ABCC1: variants seen among roughly 807,000 people sequenced by gnomAD.
ABCC1 encodes multidrug resistance-associated protein 1.
A neutral mutation model predicts 172.9 loss-of-function variants in ABCC1; 83 were observed. The observed-to-expected ratio is 0.48, with a 90% CI of 0.40 to 0.58. The LOEUF is 0.58. Among genes scored for constraint, ABCC1 ranks in the 20% least tolerant of loss-of-function variants. ABCC1 has a pLI of 0.00. For missense variants in ABCC1, 1,817 were observed against 2,002.7 expected (o/e 0.91, Z 1.77); for synonymous variants, 937 against 825.2 (o/e 1.14, Z -2.32).
chr16:15,999,769 T>TTCTCTTTCTCTCTCTCTCTC (rs2047186647), intron 1 of ABCC1, among the ~76,000 whole-genome samples: 1 of 25,360 alleles, frequency 3.9e-5, no homozygotes, highest in African/African-American at 1.1e-4. Flanking sequence ...CCCGGCCTCT[T>TTCTCTTTCTCTCTCTCTCTC]TCTCTCTCTC....
At chr16:16,025,500 G>C in intron 5 of ABCC1, among the ~76,000 whole-genome samples, 1 of 152,226 alleles carries the variant, frequency 6.6e-6, no homozygotes, top group East Asian at 1.9e-4. Context: ...CATTATTGCT[G>C]CTGCACGCAT....
At chr16:15,955,069 C>T (rs34788606) in intron 1 of ABCC1, among the ~76,000 whole-genome samples, 9,322 of 152,238 alleles carry the variant, frequency 0.061, 424 homozygotes, top group Non-Finnish European at 0.091. Flanking sequence ...TGAACAGTCA[C>T]CTCAGTCCAG....
intron 6 of ABCC1, among the ~76,000 whole-genome samples, chr16:16,034,021 A>ATATTTTT (rs1567332583): frequency 4.1e-5 from 2 of 49,010 alleles, no homozygotes; most frequent in African/African-American, 6.0e-5. Flanking sequence ...AATAAGCATC[A>ATATTTTT]TCTTTTTTTT....
At chr16:15,970,385 C>T (rs954265491) in intron 1 of ABCC1, among the ~76,000 whole-genome samples, 2 of 152,228 alleles carry the variant, frequency 1.3e-5, no homozygotes, top group Non-Finnish European at 2.9e-5. Context: ...TGTGGTGCCT[C>T]TAGCTGCAAA....
At chr16:16,097,446 C>T (rs998754335) in intron 19 of ABCC1, among the ~76,000 whole-genome samples, 1 of 152,154 alleles carries the variant, frequency 6.6e-6, no homozygotes, top group African/African-American at 2.4e-5. Flanking sequence ...TCTCCATCCC[C>T]AGGACTAAGA....
chr16:16,030,937 G>A (rs1389561722), intron 5 of ABCC1, among the ~76,000 whole-genome samples: 1 of 151,938 alleles, frequency 6.6e-6, no homozygotes, highest in African/African-American at 2.4e-5. Flanking sequence ...TGCAACCTCC[G>A]CCTCATGGAT....
chr16:15,997,842 CT>C (rs1280272242), intron 1 of ABCC1, among the ~76,000 whole-genome samples: 2 of 126,304 alleles, frequency 1.6e-5, no homozygotes, highest in Non-Finnish European at 3.2e-5. Context: ...GAGACAGAGT[CT>C]CGCTCTGTCA....
At chr16:15,999,817 T>TCTC (rs1567298911) in intron 1 of ABCC1, among the ~76,000 whole-genome samples, 25 of 66,272 alleles carry the variant, frequency 3.8e-4, no homozygotes, top group African/African-American at 1.0e-3. Flanking sequence ...CTCCTCTCTC[T>TCTC]CTCTCTCTCT....
chr16:16,005,822 G>C (rs1175617038), intron 1 of ABCC1, among the ~76,000 whole-genome samples: 1 of 151,992 alleles, frequency 6.6e-6, no homozygotes, highest in African/African-American at 2.4e-5. Flanking sequence ...TTAGCCAAGC[G>C]GGGTGACCGC....
chr16:15,998,019 A>G (rs2047118698), intron 1 of ABCC1, among the ~76,000 whole-genome samples: 1 of 150,652 alleles, frequency 6.6e-6, no homozygotes, highest in East Asian at 1.9e-4. Flanking sequence ...ATGGGGTTTC[A>G]CTATGTTGGC....
At chr16:16,121,604 T>C (rs1175122881) in intron 23 of ABCC1, among the ~76,000 whole-genome samples, 1 of 152,208 alleles carries the variant, frequency 6.6e-6, no homozygotes, top group Non-Finnish European at 1.5e-5. Context: ...TGCCCCTTGC[T>C]AGCCATGTGA....
intron 1 of ABCC1, among the ~76,000 whole-genome samples, chr16:15,952,555 G>A (rs879078002): frequency 6.6e-6 from 1 of 151,934 alleles, no homozygotes; most frequent in South Asian, 2.1e-4. Context: ...AAGAGAAAAG[G>A]AGAACTTTGC....
chr16:16,106,947 A>C, intron 21 of ABCC1, 74 bp downstream of exon 21: 2 of 1,581,592 alleles, frequency 1.3e-6, no homozygotes, highest in Non-Finnish European at 1.7e-6. Flanking sequence ...GCACTGTGCA[A>C]AGTGCCTTGT....
intron 30 of ABCC1, among the ~76,000 whole-genome samples, chr16:16,140,879 T>C (rs1315452927): frequency 6.6e-6 from 1 of 152,206 alleles, no homozygotes; most frequent in Non-Finnish European, 1.5e-5. Flanking sequence ...GGTAAGATCT[T>C]TTTATTTTAC....
At chr16:16,136,697 C>A (rs928659696) in intron 29 of ABCC1, 53 bp downstream of exon 29, 2 of 1,578,500 alleles carry the variant, frequency 1.3e-6, no homozygotes, top group Non-Finnish European at 8.6e-7. Flanking sequence ...GGCGCCATCT[C>A]GGTAGGGGTG....
chr16:16,013,954 G>T (rs1400057093), intron 3 of ABCC1, among the ~76,000 whole-genome samples: 1 of 152,176 alleles, frequency 6.6e-6, no homozygotes, highest in Non-Finnish European at 1.5e-5. Flanking sequence ...CGGGAACGTT[G>T]AGCATCAGGG....
rs189678491 is a variant in ABCC1, at chr16:15,978,334, T to C, written c.48+28535T>C. ...TGAGCTGTGATTGCACACGACTGCTTTCCAGCCTGGGCAACAGAGTGAAAC... is the reference window on the plus strand; with the variant it reads ...TGAGCTGTGATTGCACACGACTGCTCTCCAGCCTGGGCAACAGAGTGAAAC... On this transcript the variant is annotated intron_variant, in intron 1 of 30. Coordinates refer to ENST00000399410, the MANE Select transcript of ABCC1 (RefSeq NM_004996.4). 9.2e-5 allele frequency among the ~76,000 whole-genome samples: 14 copies of C among 152,202 alleles called. No homozygotes were observed. In the East Asian group the frequency reaches 2.5e-3, roughly 27 times the overall value.
chr16:16,018,391 A>G (rs1260184535), intron 5 of ABCC1, among the ~76,000 whole-genome samples: 1 of 152,104 alleles, frequency 6.6e-6, no homozygotes, highest in Admixed American at 6.5e-5. Context: ...TCTGCTAAAA[A>G]TACAAAAATT....
At chr16:15,979,563 TA>T (rs1239464411) in intron 1 of ABCC1, among the ~76,000 whole-genome samples, 2 of 152,068 alleles carry the variant, frequency 1.3e-5, no homozygotes, top group Non-Finnish European at 2.9e-5. Flanking sequence ...ATGATGCACC[TA>T]TAAAGTGTGC....
Sources: allele counts gnomAD v4.1 joint callset (sites outside exome capture counted in the v4.1 genomes callset), GRCh38; gene constraint gnomAD v4.1.1; transcripts MANE v1.5; gene names NCBI Gene and HGNC (gene_info 2026-07-23, HGNC 2026-07-21).